The following TANC1 variants were observed in gnomAD, a reference collection of about 807,000 sequenced individuals.
The protein encoded by TANC1 is protein TANC1.
A neutral mutation model predicts 149.7 loss-of-function variants in TANC1; 77 were observed. The observed-to-expected ratio is 0.51, with a 90% CI of 0.43 to 0.62. TANC1 has a LOEUF of 0.62. Ranked by LOEUF, TANC1 falls within the 20% of genes least tolerant of loss-of-function variation. TANC1 has a pLI of 0.00. For synonymous variants in TANC1, 854 were observed against 925.0 expected (o/e 0.92, Z 1.39); for missense variants, 1,985 against 2,321.8 (o/e 0.85, Z 2.98).
In TANC1 at chr2:159,123,951, C is replaced by T. The variant is rs572277790; in HGVS notation, c.260-12243C>T. Among the ~76,000 whole-genome samples, 7 of 152,250 alleles carry T rather than the reference C, an allele frequency of 4.6e-5. No homozygotes were observed. In the South Asian group the frequency reaches 1.2e-3, roughly 27 times the overall value. ...TCCTCCCTCCCGCTGCTGTTTTTCC[C>T]AAGTCATTTAACATCATACTGTTTT... On this transcript the variant is annotated intron_variant, in intron 4 of 26. Coordinates refer to ENST00000263635, the MANE Select transcript of TANC1 (RefSeq NM_033394.3).
At chr2:159,187,101 C>G (rs1392116809) in intron 16 of TANC1, 77 bp downstream of exon 16, 2 of 1,557,528 alleles carry the variant, frequency 1.3e-6, no homozygotes, top group African/African-American at 2.7e-5. Flanking sequence ...AGCCCTGTTT[C>G]CCTCTGCCCT....
chr2:159,142,791 C>T (rs1315204927), intron 5 of TANC1, among the ~76,000 whole-genome samples: 2 of 151,376 alleles, frequency 1.3e-5, no homozygotes, highest in African/African-American at 2.4e-5. Context: ...AGGCCAGGCA[C>T]GATGGCTGAC....
intron 4 of TANC1, among the ~76,000 whole-genome samples, chr2:159,128,862 G>A (rs2049776449): frequency 6.6e-6 from 1 of 152,088 alleles, no homozygotes; most frequent in African/African-American, 2.4e-5. Context: ...AGACTTATCT[G>A]GTAGTTTACC....
At chr2:159,143,637 AATTAACT>A (rs1331818549) in intron 5 of TANC1, among the ~76,000 whole-genome samples, 1 of 151,476 alleles carries the variant, frequency 6.6e-6, no homozygotes, top group Non-Finnish European at 1.5e-5. Flanking sequence ...GAATTTCTAT[AATTAACT>A]AAAAAGACTC....
At chr2:159,056,746 A>G in intron 2 of TANC1, 1 of 304,638 alleles carries the variant, frequency 3.3e-6, no homozygotes, top group Non-Finnish European at 6.8e-6. Flanking sequence ...CCAGCAGTGT[A>G]GCACAAGATG....
At chr2:159,037,618 T>C (rs890246478) in intron 2 of TANC1, among the ~76,000 whole-genome samples, 1 of 152,200 alleles carries the variant, frequency 6.6e-6, no homozygotes, top group African/African-American at 2.4e-5. Context: ...GGGAATCCTT[T>C]CCGTGTTCCT....
intron 2 of TANC1, among the ~76,000 whole-genome samples, chr2:159,036,620 T>A (rs1039496407): frequency 6.6e-6 from 1 of 152,186 alleles, no homozygotes; most frequent in Non-Finnish European, 1.5e-5. Context: ...TTTGGTTTTC[T>A]GTCCTTGTGA....
intron 4 of TANC1, among the ~76,000 whole-genome samples, chr2:159,127,325 G>C (rs1002531763): frequency 5.6e-4 from 86 of 152,342 alleles, no homozygotes; most frequent in African/African-American, 2.0e-3. Flanking sequence ...TGCTCGTGAG[G>C]CTGTGGAGGA....
intron 16 of TANC1, 27 bp downstream of exon 16, chr2:159,187,051 G>A (rs199910658): frequency 2.5e-5 from 40 of 1,612,086 alleles, no homozygotes; most frequent in Middle Eastern, 1.7e-4. Context: ...ACAGAGAGCC[G>A]GAGACCCAGC....
At chr2:159,012,318 C>T (rs1367895105) in intron 2 of TANC1, among the ~76,000 whole-genome samples, 3 of 152,186 alleles carry the variant, frequency 2.0e-5, no homozygotes, top group Admixed American at 2.0e-4. Flanking sequence ...AATATTCTGG[C>T]ATGTATTATT....
chr2:159,147,204 T>C (rs2052231497), intron 5 of TANC1, among the ~76,000 whole-genome samples: 1 of 152,088 alleles, frequency 6.6e-6, no homozygotes. Flanking sequence ...CTACACAGAG[T>C]GTTTCAGGTT....
Position 159,039,228 on chromosome 2 carries a change from G to A in TANC1, c.-15-26668G>A, listed in dbSNP as rs1408622634. ...TTATCATTTTTTATTGCATCTGTTT[G>A]ATTCTTCTCTTCTTTATTAGTCTTG... is the stretch of plus-strand genomic sequence containing the variant. On this transcript the variant is annotated intron_variant, in intron 2 of 26. Coordinates refer to ENST00000263635, the MANE Select transcript of TANC1 (RefSeq NM_033394.3). Among the ~76,000 whole-genome samples, 3 of 151,972 alleles carry A rather than the reference G, an allele frequency of 2.0e-5. No homozygotes were observed. The East Asian group carries it at 5.8e-4, about 29-fold the overall frequency.
chr2:159,065,965 G>C lies in TANC1; in HGVS notation c.55G>C (p.Glu19Gln). The change falls in exon 3 of 27, where the codon GAA becomes CAA. Residue 19 changes from glutamate to glutamine, a missense_variant. Transcript: ENST00000263635. ...AGAGGGAGGAAAGGGAGGCAAGAAG[G>C]AAGCAGGTATGTGTGCAAGAATGAG... ...SREGGKGGKK[E>Q]AGSDFGPETS... 1 of 1,613,232 alleles carries C rather than the reference G, an allele frequency of 6.2e-7. No homozygotes were observed. Among genetic ancestry groups the C allele is most frequent in the Non-Finnish European group, 8.5e-7 (1 of 1,179,162 alleles).
chr2:159,160,076 C>A (rs1028066036), intron 7 of TANC1, among the ~76,000 whole-genome samples: 2 of 152,114 alleles, frequency 1.3e-5, no homozygotes, highest in African/African-American at 4.8e-5. Context: ...TGAGACTAAA[C>A]GGAATGTAAC....
chr2:159,004,269 G>A, intron 2 of TANC1: 6 of 1,611,998 alleles, frequency 3.7e-6, no homozygotes, highest in Non-Finnish European at 5.1e-6. Flanking sequence ...AGATGATGAT[G>A]TTCCAGATCT....
intron 4 of TANC1, among the ~76,000 whole-genome samples, chr2:159,101,031 G>A (rs1296238840): frequency 6.6e-6 from 1 of 152,014 alleles, no homozygotes; most frequent in African/African-American, 2.4e-5. Context: ...CTCCTTCCAC[G>A]CTGGCCCCAC....
chr2:159,122,246 A>T (rs1303973956), intron 4 of TANC1, among the ~76,000 whole-genome samples: 1 of 152,156 alleles, frequency 6.6e-6, no homozygotes, highest in East Asian at 1.9e-4. Context: ...CCTATTTTTT[A>T]AAATAGTGAA....
chr2:159,068,711 T>C (rs1350153256), intron 3 of TANC1, among the ~76,000 whole-genome samples: 2 of 152,192 alleles, frequency 1.3e-5, no homozygotes, highest in Admixed American at 6.5e-5. Flanking sequence ...ATATTTGCAA[T>C]ATTATGTTTG....
At chr2:159,143,521 C>T (rs1036464781) in intron 5 of TANC1, among the ~76,000 whole-genome samples, 2 of 107,960 alleles carry the variant, frequency 1.9e-5, no homozygotes, top group Non-Finnish European at 3.4e-5. Flanking sequence ...AGTTCATAAC[C>T]AGCCTGAGTA....
Sources: allele counts gnomAD v4.1 joint callset (sites outside exome capture counted in the v4.1 genomes callset), GRCh38; gene constraint gnomAD v4.1.1; transcripts MANE v1.5; gene names NCBI Gene and HGNC (gene_info 2026-07-23, HGNC 2026-07-21).